Variants in SP7 observed in about 807,000 individuals in gnomAD.
The protein encoded by SP7 is transcription factor Sp7.
A neutral mutation model predicts 27.9 loss-of-function variants in SP7; 13 were observed. The observed-to-expected ratio is 0.47, with a 90% CI of 0.30 to 0.74. The LOEUF is 0.74. Among genes scored for constraint, SP7 ranks in the 30% least tolerant of loss-of-function variants. The pLI, the probability that SP7 is intolerant of heterozygous loss-of-function variation, is 0.06. For missense variants in SP7, 525 were observed against 558.0 expected, an observed-to-expected ratio of 0.94 and a Z score of 0.60; for synonymous variants, 219 against 226.7, an observed-to-expected ratio of 0.97 and a Z score of 0.31.
At chr12:53,343,987 G>T (rs1000383863) in intron 1 of SP7, among the ~76,000 whole-genome samples, 1 of 152,156 alleles carries the variant, frequency 6.6e-6, no homozygotes, top group Non-Finnish European at 1.5e-5. Flanking sequence ...GGCGGAGGTT[G>T]CAGTGAGCTG....
At chr12:53,335,319 C>T (rs1051213026) in intron 2 of SP7, among the ~76,000 whole-genome samples, 2 of 149,978 alleles carry the variant, frequency 1.3e-5, no homozygotes, top group African/African-American at 2.5e-5. Flanking sequence ...CTTTCTCCAT[C>T]GCTTTTCCAC....
At chr12:53,334,028 C>T (rs1037545884) in intron 2 of SP7, among the ~76,000 whole-genome samples, 6 of 152,244 alleles carry the variant, frequency 3.9e-5, no homozygotes, top group African/African-American at 7.2e-5. Context: ...ATGATGCCCA[C>T]GCCCACTGAC....
At position 53,344,694 on chromosome 12, in the gene SP7, A is replaced by C. The variant is rs1018773485; in HGVS notation, c.-34+420T>G. ...CTGTGGGGGAGATAGGCACCCTCAG[A>C]AGGACAGGACAGGTCGTGAGCTCCG... On this transcript the variant is annotated intron_variant, in intron 1 of 1. Coordinates refer to the SP7 transcript ENST00000547755. This position sits in a 1 kb window ranked among gnomAD's most constrained non-coding sequence, Gnocchi z 4.6. 5.3e-5 allele frequency among the ~76,000 whole-genome samples: 8 copies of C among 152,080 alleles called. No homozygotes were observed. The highest frequency in any genetic ancestry group is 2.9e-5 in the Non-Finnish European group (2 of 67,994).
intron 2 of SP7, among the ~76,000 whole-genome samples, chr12:53,330,156 C>T (rs1458432459): frequency 6.6e-6 from 1 of 152,180 alleles, no homozygotes; most frequent in Non-Finnish European, 1.5e-5. Flanking sequence ...TCAAGCAATT[C>T]TCCTGCCTCA....
intron 2 of SP7, among the ~76,000 whole-genome samples, chr12:53,334,941 T>C (rs916036208): frequency 2.1e-4 from 32 of 152,370 alleles, no homozygotes; most frequent in Admixed American, 7.8e-4. Flanking sequence ...AGTTTGTCTT[T>C]GGCTGAAAGC....
rs1371500254 is a variant in SP7, at chr12:53,327,498, T to C, written c.*648A>G. 6.5e-6 allele frequency: 1 copy of C among 152,730 alleles called. No individual in the cohort carries two copies. Among genetic ancestry groups the C allele is most frequent in the Non-Finnish European group, 1.5e-5 (1 of 68,088 alleles). 9.5% of individuals were successfully genotyped at this position (152,730 alleles called of 1,614,324 possible). On this transcript the variant is annotated 3_prime_UTR_variant, in exon 3 of 3. Transcript: ENST00000536324. The stretch of plus-strand genomic sequence containing the variant: ...CATAAATAGAATTATTACTATTCAT[T>C]ACTCCTGGTACATAGGGGTTAAATA...
At position 53,328,261 on chromosome 12, in the gene SP7, C is replaced by A; in HGVS notation, c.1181G>T (p.Gly394Val). ...PPSGPKELGE[G>V]RSTGEEEASQ... ...GGCCTCCTCTTCCCCCGTGCTGCGGCCCTCCCCCAGCTCCTTGGGGCCACT... is the reference window on the plus strand; with the variant it reads ...GGCCTCCTCTTCCCCCGTGCTGCGGACCTCCCCCAGCTCCTTGGGGCCACT... Residue 394 changes from glycine to valine, a missense_variant, in exon 3 of 3, where the codon GGC becomes GTC. By Grantham distance (109) the Gly-to-Val change is moderately radical. Transcript: ENST00000536324. The surrounding 1 kb of genome is among the most constrained non-coding windows in gnomAD (Gnocchi z 5.1). The A allele has an allele frequency of 6.2e-7, 1 of 1,611,560 alleles. No individual in the cohort carries two copies. Among genetic ancestry groups the A allele is most frequent in the South Asian group, 1.1e-5 (1 of 90,752 alleles).
In SP7 at chr12:53,327,200, C is replaced by T. The variant is rs1003438626; in HGVS notation, c.*946G>A. ...CCCCTCCATAGGACTTGAGGTTTCACAGCTTCTGGCTGGGGCTGGGGATAT... is the reference window on the plus strand; with the variant it reads ...CCCCTCCATAGGACTTGAGGTTTCATAGCTTCTGGCTGGGGCTGGGGATAT... On this transcript the variant is annotated 3_prime_UTR_variant, in exon 3 of 3. Coordinates refer to ENST00000536324, the MANE Select transcript of SP7 (RefSeq NM_001173467.3). The T allele has an allele frequency of 6.6e-6, 1 of 152,670 alleles. No individual in the cohort carries two copies. Among genetic ancestry groups the T allele is most frequent in the African/African-American group, 2.4e-5 (1 of 41,452 alleles). The allele number at this position is 152,670 out of a possible 1,614,324, so 9.5% of individuals were successfully genotyped here. A position where few individuals can be genotyped will look rare whatever the true frequency, so the allele number is the denominator to read the frequency against.
At position 53,329,238 on chromosome 12, in the gene SP7, A is replaced by C. The variant is rs777062090; in HGVS notation, c.204T>G (p.Phe68Leu). 1.2e-6 allele frequency: 2 copies of C among 1,613,798 alleles called. No homozygotes were observed. The highest frequency in any genetic ancestry group is 1.7e-6 in the Non-Finnish European group (2 of 1,179,872). ...GTGAAAGGAGCCCATTAGTGCTTGT[A>C]AAGGGGGCTGGATAAGCATCCCCCA... ...KTMGDAYPAP[F>L]TSTNGLLSPA... The change falls in exon 3 of 3, where the codon TTT becomes TTG. Residue 68 changes from phenylalanine to leucine, a missense_variant. By Grantham distance (22) the Phe-to-Leu change is conservative. Coordinates refer to ENST00000536324, the MANE Select transcript of SP7 (RefSeq NM_001173467.3).
At chr12:53,342,786 G>C (rs1209187227) in intron 1 of SP7, among the ~76,000 whole-genome samples, 1 of 151,930 alleles carries the variant, frequency 6.6e-6, no homozygotes, top group East Asian at 1.9e-4. Context: ...CTGCATCCCA[G>C]CCTAGGTGAC....
At position 53,336,172 on chromosome 12, in the gene SP7, C is replaced by T. The variant is rs756851954; in HGVS notation, c.-74G>A. 4 of 164,892 alleles carry T rather than the reference C, an allele frequency of 2.4e-5. No individual in the cohort carries two copies. Among genetic ancestry groups the T allele is most frequent in the Admixed American group, 1.7e-4 (3 of 17,990 alleles). The allele number at this position is 164,892 out of a possible 1,614,324, so 10.2% of individuals were successfully genotyped here. ...TGGGGGAACCTGGGGCTGGCTGTCC[C>T]GAGTCTCTCCTCTCTGGAGGTCTGG... is the stretch of plus-strand genomic sequence containing the variant. On this transcript the variant is annotated 5_prime_UTR_variant, in exon 1 of 3. Coordinates refer to ENST00000536324, the MANE Select transcript of SP7 (RefSeq NM_001173467.3).
chr12:53,334,588 A>G (rs976046600), intron 2 of SP7, among the ~76,000 whole-genome samples: 2 of 152,202 alleles, frequency 1.3e-5, no homozygotes, highest in Admixed American at 1.3e-4. Context: ...AGTCAAGGCT[A>G]CTGAAGGGGA....
In SP7 at chr12:53,335,641, C is replaced by T. The variant is rs375712065; in HGVS notation, c.6G>A (p.Ala2=). 693 of 1,544,072 alleles carry T rather than the reference C, an allele frequency of 4.5e-4. 6 individuals are homozygous for T. Among genetic ancestry groups the T allele is most frequent in the East Asian group, 2.8e-3 (116 of 41,124 alleles). M[A]SSLLEEEVHY... is the part of the protein sequence containing the mutation. ...GGACAGTTACCTCAAGCAGGGAGGA[C>T]GCCATCCTGAGGCTGGGGAACGGGT... Residue 2 remains alanine, a synonymous_variant, in exon 2 of 3, where the codon GCG becomes GCA. Transcript: ENST00000536324.
At chr12:53,333,035 G>A (rs1483991391) in intron 2 of SP7, among the ~76,000 whole-genome samples, 1 of 152,204 alleles carries the variant, frequency 6.6e-6, no homozygotes, top group East Asian at 1.9e-4. Context: ...CCAGCCCCAG[G>A]CCAACAGGAG....
intron 2 of SP7, among the ~76,000 whole-genome samples, chr12:53,334,693 C>G (rs1424344390): frequency 1.3e-5 from 2 of 152,204 alleles, no homozygotes; most frequent in African/African-American, 4.8e-5. Context: ...GTCAGAGACC[C>G]AGAAGCAGGG....
At chr12:53,337,969 AAACAAC>A (rs572212743), upstream of SP7, among the ~76,000 whole-genome samples, 1,278 of 152,144 alleles carry the variant, frequency 8.4e-3, 13 homozygotes, top group African/African-American at 0.029. Flanking sequence ...GTGTGGCTTT[AAACAAC>A]AACAACAACA....
At chr12:53,341,079 C>A (rs1242050739), upstream of SP7, among the ~76,000 whole-genome samples, 1 of 152,180 alleles carries the variant, frequency 6.6e-6, no homozygotes, top group South Asian at 2.1e-4. Context: ...AGGCTGGCAA[C>A]CTTTGTATAG....
intron 2 of SP7, among the ~76,000 whole-genome samples, chr12:53,333,722 C>G (rs1053973688): frequency 1.3e-5 from 2 of 151,890 alleles, no homozygotes; most frequent in Non-Finnish European, 2.9e-5. Flanking sequence ...CATCAAGCAG[C>G]AGCTGCTTCC....
Position 53,329,261 on chromosome 12 carries a change from C to T in SP7, c.181G>A (p.Gly61Arg), listed in dbSNP as rs1324612173. Residue 61 changes from glycine (G) to arginine (R), a missense_variant, in exon 3 of 3, where the codon GGG becomes AGG. Coordinates refer to ENST00000536324, the MANE Select transcript of SP7 (RefSeq NM_001173467.3). The part of the protein sequence containing the change: ...GSDLSASKTM[G>R]DAYPAPFTST... The stretch of plus-strand genomic sequence containing the variant: ...GTAAAGGGGGCTGGATAAGCATCCC[C>T]CATGGTTTTGGAGGCTGAAAGGTCA... 3 of 1,613,708 alleles carry T rather than the reference C, an allele frequency of 1.9e-6. No homozygotes were observed. Among genetic ancestry groups the T allele is most frequent in the African/African-American group, 1.3e-5 (1 of 74,898 alleles).
Sources: gnomAD v4.1 joint callset for allele counts (sites outside exome capture counted in the v4.1 genomes callset) on GRCh38, gnomAD v4.1.1 for gene constraint, Gnocchi (gnomAD v3.1) non-coding constraint, MANE v1.5 for transcripts, NCBI Gene and HGNC (gene_info 2026-07-23, HGNC 2026-07-21) for gene names.